Variants in FRMD4A observed in about 807,000 individuals in gnomAD.
The protein encoded by FRMD4A is FERM domain containing 4A, also known as FERM domain-containing protein 4A.
Under a neutral mutation model 129.1 loss-of-function variants are expected in FRMD4A, and 29 were observed. That is an observed-to-expected ratio of 0.22 (90% confidence interval 0.17 to 0.31). The LOEUF is 0.31. FRMD4A is among the 10% of genes least tolerant of loss of function. The probability of loss-of-function intolerance (pLI) is 1.00; values close to 1 mark genes in which losing one functional copy is unlikely to be tolerated. For missense variants in FRMD4A, 1,272 were observed against 1,375.8 expected, an observed-to-expected ratio of 0.92 and a Z score of 1.19; for synonymous variants, 634 against 571.6, an observed-to-expected ratio of 1.11 and a Z score of -1.56.
intron 15 of FRMD4A, among the ~76,000 whole-genome samples, chr10:13,686,756 C>T (rs1032175498): frequency 6.6e-6 from 1 of 152,188 alleles, no homozygotes; most frequent in African/African-American, 2.4e-5. Context: ...CAACATATCC[C>T]TTAGTTTTAC....
intron 2 of FRMD4A, among the ~76,000 whole-genome samples, chr10:14,136,935 A>G (rs1839569458): frequency 6.6e-6 from 1 of 152,230 alleles, no homozygotes; most frequent in African/African-American, 2.4e-5. Flanking sequence ...AAATTGTGGT[A>G]TACCTCCTGT....
At chr10:14,064,550 T>C (rs1834964491) in intron 2 of FRMD4A, among the ~76,000 whole-genome samples, 1 of 152,188 alleles carries the variant, frequency 6.6e-6, no homozygotes. Flanking sequence ...GTCCTCCTGG[T>C]GAACTTCAGC....
intron 5 of FRMD4A, among the ~76,000 whole-genome samples, chr10:13,790,079 T>C (rs966268843): frequency 6.6e-6 from 1 of 150,522 alleles, no homozygotes; most frequent in African/African-American, 2.5e-5. Flanking sequence ...GTATGGAGAG[T>C]AAGAGATGGA....
intron 3 of FRMD4A, among the ~76,000 whole-genome samples, chr10:13,854,945 T>C (rs1413462148): frequency 2.0e-5 from 3 of 152,170 alleles, no homozygotes; most frequent in African/African-American, 2.4e-5. Context: ...AGGAGCTACC[T>C]GGTAAAGACG....
chr10:13,988,665 G>C (rs992574337), intron 2 of FRMD4A, among the ~76,000 whole-genome samples: 1 of 152,162 alleles, frequency 6.6e-6, no homozygotes, highest in Non-Finnish European at 1.5e-5. Context: ...GATACCGATA[G>C]ATCGATAGAT....
At chr10:13,871,074 AC>A in intron 2 of FRMD4A, 1 of 159,232 alleles carries the variant, frequency 6.3e-6, no homozygotes, top group Non-Finnish European at 1.4e-5. Flanking sequence ...GCCAATGAAG[AC>A]CCCATTATGG....
intron 2 of FRMD4A, among the ~76,000 whole-genome samples, chr10:14,291,037 TA>T (rs1845835821): frequency 2.0e-5 from 3 of 152,148 alleles, no homozygotes; most frequent in Admixed American, 6.5e-5. Flanking sequence ...CAAACTGTGA[TA>T]TTTTTCACTC....
chr10:13,876,723 T>C (rs1462472101), intron 2 of FRMD4A, among the ~76,000 whole-genome samples: 2 of 152,118 alleles, frequency 1.3e-5, no homozygotes, highest in Non-Finnish European at 1.5e-5. Flanking sequence ...TGTAAACATT[T>C]TATTGATACT....
At chr10:13,864,870 C>A (rs1483306539) in intron 2 of FRMD4A, among the ~76,000 whole-genome samples, 3 of 152,196 alleles carry the variant, frequency 2.0e-5, no homozygotes, top group Non-Finnish European at 1.5e-5. Flanking sequence ...AGCCACCGCA[C>A]CTGGCCTGCA....
rs151134054 is a variant in FRMD4A, at chr10:14,044,354, T to C, written c.46-185442A>G. On this transcript the variant is annotated intron_variant, in intron 2 of 24. Transcript: ENST00000357447. Reference sequence around the variant, plus strand: ...CATTTGGCTGCTTCACTATTTAGAATAGTGGCTCCCTGACCCCCATTCCTG... The same window carrying C: ...CATTTGGCTGCTTCACTATTTAGAACAGTGGCTCCCTGACCCCCATTCCTG... Among the ~76,000 whole-genome samples, 26 of 152,364 alleles carry C rather than the reference T, an allele frequency of 1.7e-4. No homozygotes were observed. In the East Asian group the frequency reaches 4.8e-3, roughly 28 times the overall value.
intron 9 of FRMD4A, among the ~76,000 whole-genome samples, chr10:13,743,645 C>T (rs1446265657): frequency 6.6e-6 from 1 of 152,130 alleles, no homozygotes; most frequent in Admixed American, 6.6e-5. Context: ...CCGACAGCAG[C>T]AGAAATCTTT....
At chr10:14,087,106 G>C (rs886220021) in intron 2 of FRMD4A, among the ~76,000 whole-genome samples, 2 of 151,768 alleles carry the variant, frequency 1.3e-5, no homozygotes, top group African/African-American at 4.8e-5. Flanking sequence ...CCCTGGTTGC[G>C]GGGGGTGGGC....
At chr10:13,907,625 A>G (rs577977024) in intron 2 of FRMD4A, among the ~76,000 whole-genome samples, 8 of 152,146 alleles carry the variant, frequency 5.3e-5, no homozygotes, top group African/African-American at 1.7e-4. Context: ...GTAGGCAGTA[A>G]GTTCCTGGCC....
At chr10:13,706,603 G>A (rs960747894) in intron 13 of FRMD4A, among the ~76,000 whole-genome samples, 1 of 152,136 alleles carries the variant, frequency 6.6e-6, no homozygotes, top group Non-Finnish European at 1.5e-5. Flanking sequence ...TGACCGTCCT[G>A]CCTGAAATAC....
intron 2 of FRMD4A, among the ~76,000 whole-genome samples, chr10:14,095,195 GA>G (rs1394105067): frequency 2.0e-5 from 3 of 152,172 alleles, no homozygotes; most frequent in Non-Finnish European, 4.4e-5. Flanking sequence ...AAAACTCTAA[GA>G]TTTATTTTTT....
At chr10:14,258,959 G>A (rs1409045596) in intron 2 of FRMD4A, among the ~76,000 whole-genome samples, 1 of 152,154 alleles carries the variant, frequency 6.6e-6, no homozygotes, top group South Asian at 2.1e-4. Context: ...GGAAACTACT[G>A]TATAAAATCA....
At chr10:13,881,466 C>G (rs79017555) in intron 2 of FRMD4A, among the ~76,000 whole-genome samples, 13 of 152,168 alleles carry the variant, frequency 8.5e-5, no homozygotes, top group African/African-American at 3.1e-4. Flanking sequence ...TATCCTTATT[C>G]TCTTCCCATT....
At chr10:14,018,173 G>T (rs1429224947) in intron 2 of FRMD4A, among the ~76,000 whole-genome samples, 1 of 152,020 alleles carries the variant, frequency 6.6e-6, no homozygotes, top group African/African-American at 2.4e-5. Flanking sequence ...GCAGCTGGGT[G>T]CAGTGGCTCA....
At chr10:14,214,221 C>T (rs561556304) in intron 2 of FRMD4A, among the ~76,000 whole-genome samples, 1 of 152,274 alleles carries the variant, frequency 6.6e-6, no homozygotes, top group South Asian at 2.1e-4. Context: ...TCCTCAGAGT[C>T]CTTGGAAATG....
Sources: allele counts gnomAD v4.1 joint callset (sites outside exome capture counted in the v4.1 genomes callset), GRCh38; gene constraint gnomAD v4.1.1; transcripts MANE v1.5; gene names NCBI Gene and HGNC (gene_info 2026-07-23, HGNC 2026-07-21).